Variants in RICTOR observed in about 807,000 individuals in gnomAD.
RICTOR encodes the protein rapamycin-insensitive companion of mTOR.
A neutral mutation model predicts 214.9 loss-of-function variants in RICTOR; 49 were observed. That is an observed-to-expected ratio of 0.23 (90% CI 0.18 to 0.29). RICTOR has a LOEUF of 0.29. RICTOR is among the 10% of genes least tolerant of loss of function. RICTOR has a pLI of 1.00. For missense variants in RICTOR, 1,625 were observed against 2,047.0 expected (o/e 0.79, Z 3.98); for synonymous variants, 717 against 711.3 (o/e 1.01, Z -0.13).
intron 7 of RICTOR, among the ~76,000 whole-genome samples, chr5:38,982,953 GTTTCT>G (rs1751843630): frequency 6.6e-6 from 1 of 151,992 alleles, no homozygotes; most frequent in East Asian, 1.9e-4. Context: ...TTAGAATCAA[GTTTCT>G]TTTCTTCTAT....
At chr5:39,065,780 T>C (rs1032605275) in intron 2 of RICTOR, among the ~76,000 whole-genome samples, 8 of 152,228 alleles carry the variant, frequency 5.3e-5, no homozygotes, top group Admixed American at 1.3e-4. Context: ...AATAATCTCC[T>C]TTGACTCTAT....
intron 3 of RICTOR, among the ~76,000 whole-genome samples, chr5:39,009,705 T>G (rs1452492245): frequency 6.6e-6 from 1 of 152,132 alleles, no homozygotes; most frequent in Non-Finnish European, 1.5e-5. Flanking sequence ...CCTTTTGAAT[T>G]AGAATTATCC....
chr5:38,966,525 A>G (rs1001287454), intron 15 of RICTOR, 116 bp downstream of exon 15: 10 of 659,710 alleles, frequency 1.5e-5, no homozygotes, highest in Non-Finnish European at 2.7e-5. Context: ...ATAAACATTT[A>G]TAAGAAATGC....
At chr5:38,960,679 G>A (rs911593097) in intron 19 of RICTOR, 146 bp from the exon 20 acceptor site, 2 of 797,528 alleles carry the variant, frequency 2.5e-6, no homozygotes, top group African/African-American at 3.5e-5. Flanking sequence ...TATTAAAAGT[G>A]TTTGGTACAT....
In RICTOR at chr5:39,035,880, G is replaced by T. The variant is rs532778968; in HGVS notation, c.98-14744C>A. On this transcript the variant is annotated intron_variant, in intron 2 of 37. Coordinates refer to ENST00000357387, the MANE Select transcript of RICTOR (RefSeq NM_152756.5). ...GTGACGGGGAGAATGGAACCAAGTT[G>T]GAAAACACTCTGCAGGATATTATCC... Among the ~76,000 whole-genome samples the T allele has an allele frequency of 4.6e-5, 7 of 152,272 alleles. No individual in the cohort carries two copies. The East Asian group carries it at 1.3e-3, about 29-fold the overall frequency.
In RICTOR at chr5:38,939,087, T is replaced by C; in HGVS notation, c.*3217A>G. ...TACCATGCAAAAATAACTGCAGTTA[T>C]AATTTGAATGACAGACAATTTGGTT... On this transcript the variant is annotated 3_prime_UTR_variant, in exon 38 of 38. Transcript: ENST00000357387. The C allele has an allele frequency of 4.3e-6, 1 of 233,134 alleles. No homozygotes were observed. Among genetic ancestry groups the C allele is most frequent in the Non-Finnish European group, 8.5e-6 (1 of 117,724 alleles). The allele number at this position is 233,134 out of a possible 1,614,324, so 14.4% of individuals were successfully genotyped here.
rs1749104871 is a variant in RICTOR, at chr5:38,954,813, T to G, written c.2658A>C (p.Leu886=). 6.2e-7 allele frequency: 1 copy of G among 1,605,694 alleles called. No individual in the cohort carries two copies. The highest frequency in any genetic ancestry group is 8.5e-7 in the Non-Finnish European group (1 of 1,172,982). The change falls in exon 27 of 38, where the codon CTA becomes CTC. Residue 886 remains leucine (L), a synonymous_variant. Transcript: ENST00000357387. ...AATGGCAGCCTGTTTTATGGTGTAC[T>G]AGTTGTCCATAAAGGTGTATAGGCA... The part of the protein sequence containing the change: ...VYLPIHLYGQ[L]VHHKTGCHLL...
intron 29 of RICTOR, 26 bp downstream of exon 29, chr5:38,952,959 A>C: frequency 7.2e-7 from 1 of 1,389,676 alleles, no homozygotes; most frequent in South Asian, 1.2e-5. Context: ...TCTACATTAG[A>C]AAGATTTCTG....
chr5:38,977,592 CTTTT>C (rs34467191), intron 9 of RICTOR, among the ~76,000 whole-genome samples: 2 of 83,218 alleles, frequency 2.4e-5, no homozygotes, highest in African/African-American at 4.7e-5. Flanking sequence ...TATGAAACCA[CTTTT>C]TTTTTTTTTT....
chr5:39,000,993 T>A (rs1247009033), intron 5 of RICTOR, among the ~76,000 whole-genome samples: 2 of 152,046 alleles, frequency 1.3e-5, no homozygotes, highest in African/African-American at 4.8e-5. Flanking sequence ...AATAAATAAA[T>A]GTTTAGAAAA....
In RICTOR at chr5:38,990,556, C is replaced by T. The variant is rs574043291; in HGVS notation, c.583+393G>A. 1.4e-3 allele frequency among the ~76,000 whole-genome samples: 185 copies of T among 132,410 alleles called. 1 individual carries two copies. The highest frequency in any genetic ancestry group is 2.2e-3 in the Non-Finnish European group (138 of 61,540). The allele number at this position is 132,410 out of a possible 152,430, so 86.9% of individuals were successfully genotyped here. ...ATATACGATATATACACGATATACACGATATATACACGATATATATGATAT... is the reference window on the plus strand; with the variant it reads ...ATATACGATATATACACGATATACATGATATATACACGATATATATGATAT... On this transcript the variant is annotated intron_variant, in intron 7 of 37. Transcript: ENST00000357387.
chr5:38,968,012 G>A lies in RICTOR; in HGVS notation c.991C>T (p.Leu331Phe), dbSNP rs534160327. The change falls in exon 12 of 38, where the codon CTT (leucine) becomes TTT (phenylalanine). Residue 331 changes from leucine to phenylalanine, a missense_variant. Physicochemically the swap from Leu to Phe is conservative, Grantham distance 22 (BLOSUM62 0). Transcript: ENST00000357387. ...MEIRRGLLEVLYDIFRLPLPV... is the reference protein window; with the variant it reads ...MEIRRGLLEVFYDIFRLPLPV... The stretch of plus-strand genomic sequence containing the variant: ...AGAGGAAGACGAAATATATCATAAA[G>A]CACTTCAAGTAGACCTCGCTAAATT... 1.2e-6 allele frequency: 2 copies of A among 1,603,482 alleles called. No individual in the cohort carries two copies. The highest frequency in any genetic ancestry group is 2.2e-5 in the East Asian group (1 of 44,712).
chr5:38,962,416 TA>T, intron 18 of RICTOR, 55 bp from the exon 19 acceptor site: 1 of 1,166,610 alleles, frequency 8.6e-7, no homozygotes, highest in Non-Finnish European at 1.2e-6. Context: ...CTCACACATA[TA>T]AGATAATTAC....
intron 22 of RICTOR, 31 bp from the exon 23 acceptor site, chr5:38,958,862 A>C (rs1267514359): frequency 7.0e-7 from 1 of 1,429,774 alleles, no homozygotes; most frequent in Non-Finnish European, 9.3e-7. Context: ...ATTAAAAAAA[A>C]AAAAAACTTC....
At chr5:39,003,014 A>T (rs1175636027) in intron 4 of RICTOR, among the ~76,000 whole-genome samples, 2 of 152,164 alleles carry the variant, frequency 1.3e-5, no homozygotes, top group African/African-American at 4.8e-5. Flanking sequence ...TGTCTCTACA[A>T]TCGAATATCC....
At chr5:39,036,658 G>A (rs575352002) in intron 2 of RICTOR, among the ~76,000 whole-genome samples, 1 of 152,200 alleles carries the variant, frequency 6.6e-6, no homozygotes, top group African/African-American at 2.4e-5. Flanking sequence ...AAAGGCAGGG[G>A]TTGCAATCCT....
chr5:39,057,043 G>C (rs566086076), intron 2 of RICTOR, among the ~76,000 whole-genome samples: 1 of 152,140 alleles, frequency 6.6e-6, no homozygotes, highest in African/African-American at 2.4e-5. Context: ...GCTGAGAAAA[G>C]AGCAGGTGCT....
At chr5:39,061,178 AG>A (rs1470695036) in intron 2 of RICTOR, among the ~76,000 whole-genome samples, 2 of 152,148 alleles carry the variant, frequency 1.3e-5, no homozygotes, top group Non-Finnish European at 2.9e-5. Flanking sequence ...GTATAAGAAG[AG>A]AAGGGTAACC....
chr5:39,019,869 A>G (rs1755261788), intron 3 of RICTOR, among the ~76,000 whole-genome samples: 2 of 152,188 alleles, frequency 1.3e-5, no homozygotes, highest in African/African-American at 4.8e-5. Flanking sequence ...AACCTTCTGG[A>G]AAGGATTTAT....
Sources: allele counts gnomAD v4.1 joint callset (sites outside exome capture counted in the v4.1 genomes callset), GRCh38; gene constraint gnomAD v4.1.1; transcripts MANE v1.5; gene names NCBI Gene and HGNC (gene_info 2026-07-23, HGNC 2026-07-21).